Variants in PRKG1 observed in about 807,000 individuals in gnomAD.
The protein encoded by PRKG1 is cGMP-dependent protein kinase 1.
PRKG1 carries 35 observed loss-of-function variants against 88.1 expected under a neutral mutation model. The ratio of observed to expected loss-of-function variants is 0.40; its 90% CI spans 0.30 to 0.53. The LOEUF (loss-of-function observed/expected upper bound fraction) is 0.53, where lower values mean the gene tolerates loss of function less well. PRKG1 is among the 20% of genes least tolerant of loss of function. The pLI, the probability that PRKG1 is intolerant of heterozygous loss-of-function variation, is 0.59. For synonymous variants in PRKG1, 303 were observed against 292.5 expected, an observed-to-expected ratio of 1.04 and a Z score of -0.37; for missense variants, 540 against 839.8, an observed-to-expected ratio of 0.64 and a Z score of 4.41.
intron 3 of PRKG1, among the ~76,000 whole-genome samples, chr10:51,761,561 G>C (rs917792629): frequency 2.6e-5 from 4 of 152,194 alleles, no homozygotes; most frequent in Non-Finnish European, 4.4e-5. Flanking sequence ...TCCAGACAAA[G>C]TGAAGAAACA....
At chr10:52,189,429 C>T (rs369351003) in intron 9 of PRKG1, among the ~76,000 whole-genome samples, 15 of 152,130 alleles carry the variant, frequency 9.9e-5, no homozygotes, top group African/African-American at 3.6e-4. Context: ...GGCACCTGGA[C>T]ACAAAGCAGG....
intron 2 of PRKG1, among the ~76,000 whole-genome samples, chr10:51,279,060 T>C (rs1840215717): frequency 6.6e-6 from 1 of 152,224 alleles, no homozygotes; most frequent in Non-Finnish European, 1.5e-5. Context: ...GTGTCAATTT[T>C]AGATCTTTCC....
chr10:51,042,130 C>T (rs1162833720), intron 1 of PRKG1, among the ~76,000 whole-genome samples: 1 of 152,164 alleles, frequency 6.6e-6, no homozygotes, highest in African/African-American at 2.4e-5. Flanking sequence ...CTGAGGTGTT[C>T]TTCTCTTCCT....
intron 7 of PRKG1, among the ~76,000 whole-genome samples, chr10:52,122,342 C>T (rs1235893292): frequency 6.6e-6 from 1 of 152,230 alleles, no homozygotes; most frequent in Non-Finnish European, 1.5e-5. Context: ...CTTCTCAACA[C>T]TGTTGCATTA....
intron 9 of PRKG1, among the ~76,000 whole-genome samples, chr10:52,198,304 ATTTG>A (rs1321595523): frequency 6.6e-6 from 1 of 152,148 alleles, no homozygotes; most frequent in Non-Finnish European, 1.5e-5. Context: ...GAAAGAAATA[ATTTG>A]TTTGAGAACT....
rs561563169 is a variant in PRKG1 at position 51,405,347 on chromosome 10, A to T, written c.479-62376A>T. 3.9e-5 allele frequency among the ~76,000 whole-genome samples: 6 copies of T among 152,270 alleles called. No homozygotes were observed. The South Asian group carries it at 1.2e-3, about 32-fold the overall frequency. On this transcript the variant is annotated intron_variant, in intron 2 of 17. Transcript: ENST00000373980. Reference sequence around the variant, plus strand: ...TTACATGAGGCCTTTTCTTCCTTTAACCCTTAGAGGAGTTACTTCTGTTTG... The same window carrying T: ...TTACATGAGGCCTTTTCTTCCTTTATCCCTTAGAGGAGTTACTTCTGTTTG...
At chr10:51,034,668 TTATATATATATATATA>T (rs1554831108) in intron 1 of PRKG1, among the ~76,000 whole-genome samples, 10 of 68,188 alleles carry the variant, frequency 1.5e-4, no homozygotes, top group African/African-American at 2.7e-4. Flanking sequence ...AATATGTTAT[TTATATATATATATATA>T]TATATATATA....
chr10:51,069,394 A>G (rs1024883081), intron 1 of PRKG1, among the ~76,000 whole-genome samples: 4 of 152,006 alleles, frequency 2.6e-5, no homozygotes, highest in African/African-American at 4.8e-5. Context: ...AACTAGTTCT[A>G]TAGGAATTAA....
intron 1 of PRKG1, among the ~76,000 whole-genome samples, chr10:51,099,489 T>A (rs1157288164): frequency 6.6e-6 from 1 of 152,126 alleles, no homozygotes; most frequent in East Asian, 1.9e-4. Flanking sequence ...AAAGAGGTGT[T>A]TGTGGGCTCT....
chr10:51,969,838 C>G (rs925660774), intron 5 of PRKG1, among the ~76,000 whole-genome samples: 2 of 151,830 alleles, frequency 1.3e-5, no homozygotes, highest in African/African-American at 4.8e-5. Context: ...AGCACCATTT[C>G]TTTTTTCTTA....
At chr10:51,380,661 C>T (rs1211718431) in intron 2 of PRKG1, among the ~76,000 whole-genome samples, 1 of 152,020 alleles carries the variant, frequency 6.6e-6, no homozygotes, top group Non-Finnish European at 1.5e-5. Context: ...TACTGGCAGC[C>T]AGCTTGTGGA....
At chr10:51,293,714 A>AT (rs900326441) in intron 2 of PRKG1, among the ~76,000 whole-genome samples, 9 of 151,972 alleles carry the variant, frequency 5.9e-5, no homozygotes, top group East Asian at 5.8e-4. Flanking sequence ...CAACATACTG[A>AT]TTTTTTTTGG....
At chr10:51,674,060 T>C (rs2132354202) in intron 3 of PRKG1, among the ~76,000 whole-genome samples, 2 of 152,332 alleles carry the variant, frequency 1.3e-5, no homozygotes, top group East Asian at 3.9e-4. Flanking sequence ...CAAGAGACTT[T>C]TGTCTCTTTC....
chr10:52,278,008 G>A (rs1248158120), intron 12 of PRKG1, among the ~76,000 whole-genome samples: 3 of 152,020 alleles, frequency 2.0e-5, no homozygotes, highest in African/African-American at 7.2e-5. Flanking sequence ...CAGTCCTGAT[G>A]TAAATGAGTA....
rs527501408 is a variant in PRKG1 at position 51,269,155 on chromosome 10, T to C, written c.478+115825T>C. On this transcript the variant is annotated intron_variant, in intron 2 of 17. Coordinates refer to ENST00000373980, the MANE Select transcript of PRKG1 (RefSeq NM_006258.4). Reference sequence around the variant, plus strand: ...CACTAATTATCAGGGAAATGCAAATTAAAACCACAATGAGATACCACCTTA... The same window carrying C: ...CACTAATTATCAGGGAAATGCAAATCAAAACCACAATGAGATACCACCTTA... 5.9e-5 allele frequency among the ~76,000 whole-genome samples: 9 copies of C among 152,126 alleles called. No individual in the cohort carries two copies. The South Asian group carries it at 1.9e-3, about 32-fold the overall frequency.
chr10:51,660,751 T>G (rs1298066302), intron 3 of PRKG1, among the ~76,000 whole-genome samples: 1 of 152,062 alleles, frequency 6.6e-6, no homozygotes, highest in Non-Finnish European at 1.5e-5. Context: ...TGAACACCTT[T>G]ATGCCTGTGG....
chr10:51,622,029 G>A (rs1839223354), intron 3 of PRKG1, among the ~76,000 whole-genome samples: 1 of 152,110 alleles, frequency 6.6e-6, no homozygotes, highest in Non-Finnish European at 1.5e-5. Flanking sequence ...GTATTGGTTG[G>A]ATTTGCTTAT....
intron 9 of PRKG1, among the ~76,000 whole-genome samples, chr10:52,205,743 A>G (rs1839803006): frequency 6.6e-6 from 1 of 152,212 alleles, no homozygotes; most frequent in South Asian, 2.1e-4. Context: ...ATAGGTAACC[A>G]GTGTCTTCTG....
intron 1 of PRKG1, among the ~76,000 whole-genome samples, chr10:51,031,955 A>T (rs746281556): frequency 3.3e-5 from 5 of 152,226 alleles, no homozygotes; most frequent in Non-Finnish European, 5.9e-5. Flanking sequence ...CTATTGAGCA[A>T]TATAGCATAT....
Sources: gnomAD v4.1 joint callset for allele counts (sites outside exome capture counted in the v4.1 genomes callset) on GRCh38, gnomAD v4.1.1 for gene constraint, MANE v1.5 for transcripts, NCBI Gene and HGNC (gene_info 2026-07-23, HGNC 2026-07-21) for gene names.